ZBBX: variants seen among roughly 807,000 people sequenced by gnomAD.
ZBBX encodes the protein zinc finger B-box domain-containing protein 1.
A neutral mutation model predicts 108.5 loss-of-function variants in ZBBX; 101 were observed. That is an observed-to-expected ratio of 0.93 (90% CI 0.79 to 1.10). The LOEUF (loss-of-function observed/expected upper bound fraction) is 1.10, where lower values mean the gene tolerates loss of function less well. Ranked by LOEUF, ZBBX falls within the 50% of genes least tolerant of loss-of-function variation. The probability of loss-of-function intolerance (pLI) is 0.00; values close to 1 mark genes in which losing one functional copy is unlikely to be tolerated. For missense variants in ZBBX, 1,009 were observed against 941.4 expected, an observed-to-expected ratio of 1.07 and a Z score of -0.94; for synonymous variants, 356 against 323.4, an observed-to-expected ratio of 1.10 and a Z score of -1.08.
chr3:167,286,778 A>C (rs2108547977), intron 19 of ZBBX, among the ~76,000 whole-genome samples: 1 of 152,262 alleles, frequency 6.6e-6, no homozygotes, highest in African/African-American at 2.4e-5. Flanking sequence ...GGGAGGATTA[A>C]GTTGTGGCAG....
intron 17 of ZBBX, among the ~76,000 whole-genome samples, chr3:167,301,460 T>C (rs972864041): frequency 2.6e-5 from 4 of 152,242 alleles, no homozygotes; most frequent in Non-Finnish European, 5.9e-5. Flanking sequence ...GTTTTCCCAG[T>C]GAATTCCTTT....
intron 20 of ZBBX, among the ~76,000 whole-genome samples, chr3:167,268,392 G>C (rs1483805843): frequency 2.0e-5 from 3 of 151,944 alleles, no homozygotes; most frequent in African/African-American, 7.3e-5. Context: ...CACCCTCCCA[G>C]TCAAGACGTT....
At chr3:167,278,389 T>C (rs1728087024) in intron 20 of ZBBX, among the ~76,000 whole-genome samples, 2 of 147,290 alleles carry the variant, frequency 1.4e-5, no homozygotes, top group Admixed American at 6.8e-5. Context: ...AAGAATCAAA[T>C]AGACGCAATA....
the ZBBX span, among the ~76,000 whole-genome samples, chr3:167,226,266 T>C: frequency 1.3e-5 from 2 of 151,798 alleles, no homozygotes; most frequent in South Asian, 4.1e-4. Flanking sequence ...ATTAGACATA[T>C]AGTTAACATA....
chr3:167,290,539 C>T (rs537469711), intron 18 of ZBBX, among the ~76,000 whole-genome samples: 1 of 152,094 alleles, frequency 6.6e-6, no homozygotes, highest in Non-Finnish European at 1.5e-5. Flanking sequence ...CACTCAGAGA[C>T]CCCATCTGAA....
chr3:167,374,678 A>T (rs1746668687), intron 2 of ZBBX, among the ~76,000 whole-genome samples: 1 of 152,206 alleles, frequency 6.6e-6, no homozygotes, highest in African/African-American at 2.4e-5. Context: ...TTCTGAGCTC[A>T]AATGGTTTAG....
chr3:167,197,277 G>A, the ZBBX span, among the ~76,000 whole-genome samples: 469 of 151,734 alleles, frequency 3.1e-3, 2 homozygotes, highest in African/African-American at 0.01. Context: ...GGTGGCTCAC[G>A]CCTGCAATCC....
chr3:167,391,890 CAA>C (rs146489923), intron 1 of ZBBX, among the ~76,000 whole-genome samples: 2,926 of 151,640 alleles, frequency 0.019, 62 homozygotes, highest in South Asian at 0.047. Context: ...ATATATAAAT[CAA>C]GACTTATCTA....
chr3:167,305,823 A>G lies in ZBBX; in HGVS notation c.1545T>C (p.Ser515=). Residue 515 remains serine, a synonymous_variant, in exon 17 of 22, where the codon AGT becomes AGC. Transcript: ENST00000675490. The part of the protein sequence containing the change: ...NLKEKNIGLE[S]NQKSDDSCVS... ...CACAGGAATCATCAGACTTTTGATT[A>G]CTTTCTAAACCTATATTTTTCTCCT... 6.2e-7 allele frequency: 1 copy of G among 1,612,500 alleles called. No individual in the cohort carries two copies. The highest frequency in any genetic ancestry group is 2.2e-5 in the East Asian group (1 of 44,764).
chr3:167,261,541 C>G (rs1490209430), intron 20 of ZBBX, among the ~76,000 whole-genome samples: 1 of 151,824 alleles, frequency 6.6e-6, no homozygotes, highest in African/African-American at 2.4e-5. Context: ...GGTCTGAGTT[C>G]ACTGGAGTTG....
intron 9 of ZBBX, among the ~76,000 whole-genome samples, chr3:167,347,414 G>A (rs1741661937): frequency 6.6e-6 from 1 of 151,836 alleles, no homozygotes; most frequent in African/African-American, 2.4e-5. Context: ...TTAAAAAGAA[G>A]ATATGTTTAA....
intron 19 of ZBBX, among the ~76,000 whole-genome samples, chr3:167,282,803 C>T (rs907455802): frequency 6.6e-6 from 1 of 151,958 alleles, no homozygotes; most frequent in Non-Finnish European, 1.5e-5. Context: ...TGTAGAGAAA[C>T]AACACACAAT....
intron 18 of ZBBX, among the ~76,000 whole-genome samples, chr3:167,293,113 C>T (rs765611879): frequency 2.6e-5 from 4 of 152,140 alleles, no homozygotes; most frequent in Non-Finnish European, 4.4e-5. Context: ...CCGAATTCTA[C>T]CAGAGGTACA....
intron 6 of ZBBX, among the ~76,000 whole-genome samples, chr3:167,364,606 A>G (rs900405160): frequency 6.6e-6 from 1 of 152,014 alleles, no homozygotes; most frequent in Non-Finnish European, 1.5e-5. Context: ...GAATAATAAT[A>G]ACATCCTCTT....
chr3:167,367,147 A>T (rs893768795), intron 5 of ZBBX, among the ~76,000 whole-genome samples: 4 of 151,968 alleles, frequency 2.6e-5, no homozygotes, highest in Non-Finnish European at 4.4e-5. Flanking sequence ...TAATATACAA[A>T]CAGTTTGGTG....
intron 1 of ZBBX, among the ~76,000 whole-genome samples, chr3:167,400,052 C>T (rs1201482056): frequency 2.6e-5 from 4 of 152,078 alleles, no homozygotes; most frequent in Admixed American, 6.5e-5. Flanking sequence ...TCTTTATGGC[C>T]GCATAGTATT....
the ZBBX span, among the ~76,000 whole-genome samples, chr3:167,211,799 C>A: frequency 6.6e-6 from 1 of 152,096 alleles, no homozygotes; most frequent in Admixed American, 6.5e-5. Flanking sequence ...CCACCCTCAC[C>A]CAAACTCTCC....
At chr3:167,265,227 C>T (rs778965270) in intron 20 of ZBBX, among the ~76,000 whole-genome samples, 2 of 152,170 alleles carry the variant, frequency 1.3e-5, no homozygotes, top group Non-Finnish European at 2.9e-5. Context: ...GAGTCCAAGG[C>T]CTGTGGTGTA....
the ZBBX span, among the ~76,000 whole-genome samples, chr3:167,190,499 T>C: frequency 6.6e-6 from 1 of 151,474 alleles, no homozygotes; most frequent in African/African-American, 2.4e-5. Flanking sequence ...TCCCGCCTCA[T>C]TCTCCCGACT....
Sources: allele counts gnomAD v4.1 joint callset (sites outside exome capture counted in the v4.1 genomes callset), GRCh38; gene constraint gnomAD v4.1.1; transcripts MANE v1.5; gene names NCBI Gene and HGNC (gene_info 2026-07-23, HGNC 2026-07-21).